Variants in SOX6 observed in about 807,000 individuals in gnomAD.
The protein encoded by SOX6 is transcription factor SOX-6.
In SOX6, 11 loss-of-function variants were observed where a neutral mutation model predicts 97.8. That is an observed-to-expected ratio of 0.11 (90% CI 0.07 to 0.19). The LOEUF is 0.19. Ranked by LOEUF, SOX6 falls within the 10% of genes least tolerant of loss-of-function variation. The pLI is 1.00. For synonymous variants in SOX6, 360 were observed against 371.4 expected, an observed-to-expected ratio of 0.97 and a Z score of 0.35; for missense variants, 810 against 1,039.5, an observed-to-expected ratio of 0.78 and a Z score of 3.04.
Position 16,012,874 on chromosome 11 carries a change from A to G in SOX6, c.1732+2068T>C, listed in dbSNP as rs370720087. 1.1e-4 allele frequency among the ~76,000 whole-genome samples: 17 copies of G among 152,214 alleles called. No individual in the cohort carries two copies. The East Asian group carries it at 1.5e-3, about 14-fold the overall frequency. ...AAAGGCGTAAGACATCCTCTAGTAT[A>G]TAAACACTTGATAAAAAAAGTTTTC... On this transcript the variant is annotated intron_variant, in intron 13 of 15. Transcript: ENST00000683767.
chr11:16,367,734 T>C (rs1213223946), intron 1 of SOX6, among the ~76,000 whole-genome samples: 2 of 152,166 alleles, frequency 1.3e-5, no homozygotes, highest in Admixed American at 1.3e-4. Context: ...TGAATCAAAA[T>C]GGCGCAATGG....
At chr11:16,637,994 T>C (rs1406227995) in intron 3 of SOX6, among the ~76,000 whole-genome samples, 3 of 151,496 alleles carry the variant, frequency 2.0e-5, no homozygotes, top group South Asian at 2.1e-4. Context: ...ACATGTGCCA[T>C]GTTGGTGTGC....
At chr11:16,702,588 C>T (rs1320674035) in intron 3 of SOX6, among the ~76,000 whole-genome samples, 1 of 152,088 alleles carries the variant, frequency 6.6e-6, no homozygotes, top group African/African-American at 2.4e-5. Context: ...AACATCAGAA[C>T]CCCCCATTTC....
intron 1 of SOX6, chr11:16,382,433 G>C (rs772311818): frequency 3.9e-5 from 6 of 151,902 alleles, no homozygotes; most frequent in African/African-American, 7.2e-5. Context: ...TTTTATCTTT[G>C]TCTTGCACAT....
At chr11:16,049,676 G>A (rs1564926123) in intron 11 of SOX6, 79 bp downstream of exon 11, 2 of 1,521,888 alleles carry the variant, frequency 1.3e-6, no homozygotes, top group South Asian at 2.3e-5. Flanking sequence ...TTGGAAACAA[G>A]TATCAGTCGT....
intron 3 of SOX6, among the ~76,000 whole-genome samples, chr11:16,692,996 A>G (rs1395251734): frequency 6.6e-6 from 1 of 152,156 alleles, no homozygotes; most frequent in Non-Finnish European, 1.5e-5. Context: ...TTATTCTCTT[A>G]CTGTTTGGCA....
At chr11:16,142,639 G>A (rs1421047273) in intron 6 of SOX6, among the ~76,000 whole-genome samples, 1 of 152,126 alleles carries the variant, frequency 6.6e-6, no homozygotes, top group African/African-American at 2.4e-5. Context: ...AGAATAACCA[G>A]TGTAGAGAAG....
intron 1 of SOX6, among the ~76,000 whole-genome samples, chr11:16,428,157 G>A (rs966381956): frequency 1.5e-4 from 23 of 151,966 alleles, no homozygotes; most frequent in Admixed American, 3.3e-4. Context: ...GATATCCTTC[G>A]CCCACTTTTT....
intron 12 of SOX6, among the ~76,000 whole-genome samples, chr11:16,044,762 T>C (rs1260752829): frequency 2.0e-5 from 3 of 152,094 alleles, no homozygotes; most frequent in Admixed American, 6.6e-5. Flanking sequence ...GAACACAACA[T>C]CCCTAGTAAT....
chr11:16,693,147 CAATAAG>C (rs1848028719), intron 3 of SOX6, among the ~76,000 whole-genome samples: 1 of 151,910 alleles, frequency 6.6e-6, no homozygotes, highest in African/African-American at 2.4e-5. Flanking sequence ...AAATAGTAAA[CAATAAG>C]AATAAGAATA....
intron 4 of SOX6, among the ~76,000 whole-genome samples, chr11:16,548,149 C>T (rs972878088): frequency 6.6e-6 from 1 of 152,096 alleles, no homozygotes; most frequent in East Asian, 1.9e-4. Flanking sequence ...GAAATTAAAA[C>T]TGCCAATTTA....
intron 12 of SOX6, among the ~76,000 whole-genome samples, chr11:16,022,580 T>G (rs1855100373): frequency 6.6e-6 from 1 of 151,860 alleles, no homozygotes; most frequent in Admixed American, 6.6e-5. Flanking sequence ...CCGGCTAACT[T>G]TTTTGTATTT....
At position 16,425,957 on chromosome 11, in the gene SOX6, A is replaced by G. The variant is rs576968708; in HGVS notation, c.-5+50358T>C. ...ATTGAGATTTTTTACAGAACTAGAA[A>G]AAAAAAAACTATTTTAAGGCTGGGC... On this transcript the variant is annotated intron_variant, in intron 1 of 15. Transcript: ENST00000396356. 7.2e-5 allele frequency among the ~76,000 whole-genome samples: 11 copies of G among 152,082 alleles called. No homozygotes were observed. The South Asian group carries it at 2.3e-3, about 32-fold the overall frequency.
chr11:16,339,795 G>A (rs1408856412), intron 2 of SOX6, among the ~76,000 whole-genome samples: 1 of 151,958 alleles, frequency 6.6e-6, no homozygotes, highest in Non-Finnish European at 1.5e-5. Flanking sequence ...CCATTATCTT[G>A]CCAATACGCA....
chr11:16,490,301 A>G (rs910150451), intron 4 of SOX6, among the ~76,000 whole-genome samples: 2 of 151,978 alleles, frequency 1.3e-5, no homozygotes, highest in African/African-American at 4.8e-5. Context: ...AGTTTGCTTA[A>G]CCCTGCTTTA....
chr11:16,492,806 A>G (rs1311003546), intron 4 of SOX6, among the ~76,000 whole-genome samples: 1 of 152,218 alleles, frequency 6.6e-6, no homozygotes, highest in Non-Finnish European at 1.5e-5. Context: ...TTGAATAGAA[A>G]AATGGAACCA....
chr11:16,451,867 A>C (rs1342565344), intron 1 of SOX6, among the ~76,000 whole-genome samples: 2 of 151,480 alleles, frequency 1.3e-5, no homozygotes, highest in Non-Finnish European at 2.9e-5. Context: ...ACCCCACCTC[A>C]AAAAAAAATT....
At chr11:16,494,810 C>T (rs1343238151) in intron 4 of SOX6, among the ~76,000 whole-genome samples, 1 of 152,128 alleles carries the variant, frequency 6.6e-6, no homozygotes, top group Non-Finnish European at 1.5e-5. Context: ...TGAACTCCTG[C>T]ACTCCTAATC....
At chr11:16,243,055 C>T (rs560646835) in intron 3 of SOX6, among the ~76,000 whole-genome samples, 5 of 152,020 alleles carry the variant, frequency 3.3e-5, no homozygotes, top group Admixed American at 1.3e-4. Flanking sequence ...TTTTGACTTA[C>T]GAAAAACCCT....
Sources: allele counts gnomAD v4.1 joint callset (sites outside exome capture counted in the v4.1 genomes callset), GRCh38; gene constraint gnomAD v4.1.1; transcripts MANE v1.5; gene names NCBI Gene and HGNC (gene_info 2026-07-23, HGNC 2026-07-21).